The following CLCN5 variants were observed in gnomAD, a reference collection of about 807,000 sequenced individuals.
CLCN5 encodes the protein H(+)/Cl(-) exchange transporter 5.
A neutral mutation model predicts 54.0 loss-of-function variants in CLCN5; 17 were observed. The ratio of observed to expected loss-of-function variants is 0.31; its 90% CI spans 0.22 to 0.47. The LOEUF (loss-of-function observed/expected upper bound fraction) is 0.47, where lower values mean the gene tolerates loss of function less well. Among genes scored for constraint, CLCN5 ranks in the 20% least tolerant of loss-of-function variants. The pLI is 1.00. For synonymous variants in CLCN5, 222 were observed against 233.0 expected, an observed-to-expected ratio of 0.95 and a Z score of 0.43; for missense variants, 448 against 646.7, an observed-to-expected ratio of 0.69 and a Z score of 3.33.
intron 3 of CLCN5, among the ~76,000 whole-genome samples, chrX:49,940,334 A>T (rs1926262668): frequency 8.9e-6 from 1 of 112,087 alleles, no homozygotes; most frequent in South Asian, 3.7e-4. Flanking sequence ...TGACACTTTC[A>T]TGTTCCCTCA....
chrX:50,000,881 C>T lies in CLCN5; in HGVS notation c.17-41435C>T, dbSNP rs147089803. ...CCATAGAAGAAAACTCACACCTAAG[C>T]TGCTTGGTCCCATTATTTGAAAATG... On this transcript the variant is annotated intron_variant, in intron 3 of 14. Coordinates refer to ENST00000376091, the MANE Select transcript of CLCN5 (RefSeq NM_001127898.4). Among the ~76,000 whole-genome samples, 804 of 111,775 alleles carry T rather than the reference C, an allele frequency of 7.2e-3. 10 individuals are homozygous for T. Among genetic ancestry groups the T allele is most frequent in the African/African-American group, 0.025 (781 of 30,798 alleles).
At chrX:49,998,556 G>C (rs782616419) in intron 3 of CLCN5, among the ~76,000 whole-genome samples, 1 of 110,938 alleles carries the variant, frequency 9.0e-6, no homozygotes, top group South Asian at 3.9e-4. Context: ...GTACGTTTCG[G>C]GCCCAAAGTG....
At chrX:50,017,814 G>A (rs1442862515) in intron 3 of CLCN5, among the ~76,000 whole-genome samples, 6 of 111,292 alleles carry the variant, frequency 5.4e-5, no homozygotes, top group African/African-American at 1.3e-4. Context: ...TATATTTCTG[G>A]ATTTGTTCTG....
chrX:50,085,725 C>T (rs935629007), intron 9 of CLCN5: 20 of 390,698 alleles, frequency 5.1e-5, no homozygotes, highest in Middle Eastern at 7.4e-4. Flanking sequence ...GGCGGGGGGG[C>T]GGTGCATAAT....
chrX:50,030,376 T>C, intron 3 of CLCN5, among the ~76,000 whole-genome samples: 1 of 112,114 alleles, frequency 8.9e-6, no homozygotes, highest in South Asian at 3.8e-4. Context: ...TATGGTTATA[T>C]GTAGGAATGC....
rs781876490 is a variant in CLCN5 at position 49,975,669 on chromosome X, C to T, written c.16+50355C>T. On this transcript the variant is annotated intron_variant, in intron 3 of 14. Coordinates refer to ENST00000376091, the MANE Select transcript of CLCN5 (RefSeq NM_001127898.4). Reference sequence around the variant, plus strand: ...TTCCATGTCCCCATAGTCTCTTGGGCCTACTTGATCACACGGTCTCATCTA... The same window carrying T: ...TTCCATGTCCCCATAGTCTCTTGGGTCTACTTGATCACACGGTCTCATCTA... 2.7e-5 allele frequency among the ~76,000 whole-genome samples: 3 copies of T among 111,441 alleles called. No individual in the cohort carries two copies. In the Admixed American group the frequency reaches 2.9e-4, roughly 11 times the overall value.
intron 4 of CLCN5, among the ~76,000 whole-genome samples, chrX:50,067,387 A>G (rs1225712941): frequency 8.9e-6 from 1 of 111,764 alleles, no homozygotes; most frequent in African/African-American, 3.3e-5. Flanking sequence ...TTTCTGCTAA[A>G]TGAAGACTAA....
intron 3 of CLCN5, among the ~76,000 whole-genome samples, chrX:50,025,757 C>G (rs1351294359): frequency 1.8e-5 from 2 of 110,863 alleles, no homozygotes; most frequent in Non-Finnish European, 3.8e-5. Context: ...TGGCTCCCAC[C>G]ACCGGCAGGC....
intron 3 of CLCN5, among the ~76,000 whole-genome samples, chrX:49,942,555 C>A (rs1324627478): frequency 1.2e-4 from 11 of 93,996 alleles, no homozygotes; most frequent in South Asian, 7.0e-4. Context: ...CCTCCCCCCT[C>A]CCCCCTACCC....
chrX:50,027,953 A>G (rs782100760), intron 3 of CLCN5, among the ~76,000 whole-genome samples: 23 of 111,748 alleles, frequency 2.1e-4, no homozygotes, highest in African/African-American at 7.5e-4. Context: ...CCATTTCCCT[A>G]GAGACTTCTT....
intron 4 of CLCN5, among the ~76,000 whole-genome samples, chrX:50,057,835 A>T (rs1389415970): frequency 9.1e-6 from 1 of 110,335 alleles, no homozygotes; most frequent in Admixed American, 9.6e-5. Flanking sequence ...ATTAATTATC[A>T]GGGCTTCCGC....
chrX:49,969,102 A>G (rs6610125), intron 3 of CLCN5, among the ~76,000 whole-genome samples: 16,198 of 108,545 alleles, frequency 0.15, 3,132 homozygotes, highest in African/African-American at 0.53. Flanking sequence ...TTTTGAGACA[A>G]AGTCTTGCTC....
intron 4 of CLCN5, among the ~76,000 whole-genome samples, chrX:50,047,169 A>G (rs1307008361): frequency 8.9e-6 from 1 of 112,343 alleles, no homozygotes; most frequent in Non-Finnish European, 1.9e-5. Flanking sequence ...ACTGAAAACA[A>G]AGTAAAATAT....
At chrX:50,082,461 C>T (rs1280601829) in intron 9 of CLCN5, among the ~76,000 whole-genome samples, 2 of 109,588 alleles carry the variant, frequency 1.8e-5, no homozygotes, top group Admixed American at 2.0e-4. Flanking sequence ...TACAGGCACG[C>T]ACCACCAAAC....
In CLCN5 at chrX:49,925,206, A is replaced by G. The variant is rs1601944005; in HGVS notation, c.-93A>G. ...TTAGCCCCTTGGAGAAAACAGGGCC[A>G]CATAGCTGCCTTTCTATCAAGTCTC... is the stretch of plus-strand genomic sequence containing the variant. On this transcript the variant is annotated 5_prime_UTR_variant, in exon 3 of 15. Coordinates refer to ENST00000376091, the MANE Select transcript of CLCN5 (RefSeq NM_001127898.4). 2 of 979,066 alleles carry G rather than the reference A, an allele frequency of 2.0e-6. No homozygotes were observed. Among genetic ancestry groups the G allele is most frequent in the East Asian group, 6.1e-5 (2 of 32,675 alleles). 80.7% of individuals were successfully genotyped at this position (979,066 alleles called of 1,213,427 possible). A position where few individuals can be genotyped will look rare whatever the true frequency, so the allele number is the denominator to read the frequency against.
Position 50,090,399 on chromosome X carries a change from A to G in CLCN5, c.2028A>G (p.Glu676=), listed in dbSNP as rs1557194598. ...TVLTQDSMTV[E]DVETIISETT... is the part of the protein sequence containing the mutation. ...TTACTCAGGACAGTATGACTGTGGA[A>G]GATGTAGAGACCATAATCAGTGAAA... is the stretch of plus-strand genomic sequence containing the variant. The change falls in exon 13 of 15, where the codon GAA becomes GAG. Residue 676 remains glutamate, a synonymous_variant. Coordinates refer to ENST00000376091, the MANE Select transcript of CLCN5 (RefSeq NM_001127898.4). 3.3e-6 allele frequency: 4 copies of G among 1,209,549 alleles called. No homozygotes were observed. Among genetic ancestry groups the G allele is most frequent in the Non-Finnish European group, 4.5e-6 (4 of 894,809 alleles).
chrX:50,045,420 C>T (rs1932363792), intron 4 of CLCN5, among the ~76,000 whole-genome samples: 1 of 111,971 alleles, frequency 8.9e-6, no homozygotes, highest in Non-Finnish European at 1.9e-5. Context: ...GATTCATAAG[C>T]TTACATTGGC....
Position 50,095,617 on chromosome X carries a change from A to G in CLCN5, c.*3398A>G, listed in dbSNP as rs1934239137. 8.9e-6 allele frequency: 1 copy of G among 112,851 alleles called. No individual in the cohort carries two copies. Among genetic ancestry groups the G allele is most frequent in the Non-Finnish European group, 1.9e-5 (1 of 53,413 alleles). 9.3% of individuals were successfully genotyped at this position (112,851 alleles called of 1,213,427 possible). On this transcript the variant is annotated 3_prime_UTR_variant, in exon 15 of 15. Coordinates refer to ENST00000376091, the MANE Select transcript of CLCN5 (RefSeq NM_001127898.4). ...ACCAGAGGCTGAATCTAAACCCTTT[A>G]CAGGAAGAGCAGAGCATACTATACA...
At chrX:50,088,052 C>T (rs1933953259) in intron 11 of CLCN5, among the ~76,000 whole-genome samples, 2 of 112,106 alleles carry the variant, frequency 1.8e-5, no homozygotes, top group Admixed American at 1.9e-4. Context: ...TTTCTTGATA[C>T]TGTTACAAAA....
Sources: allele counts gnomAD v4.1 joint callset (sites outside exome capture counted in the v4.1 genomes callset), GRCh38; gene constraint gnomAD v4.1.1; transcripts MANE v1.5; gene names NCBI Gene and HGNC (gene_info 2026-07-23, HGNC 2026-07-21).